Variants in KIR2DL1 observed in about 807,000 individuals in gnomAD.
KIR2DL1 encodes the protein killer cell immunoglobulin-like receptor 2DL1.
Under a neutral mutation model 33.9 loss-of-function variants are expected in KIR2DL1, and 38 were observed. That is an observed-to-expected ratio of 1.12 (90% CI 0.86 to 1.47). KIR2DL1 has a LOEUF of 1.47. Among genes scored for constraint, KIR2DL1 ranks in the 40% most tolerant of loss-of-function variants. The pLI, the probability that KIR2DL1 is intolerant of heterozygous loss-of-function variation, is 0.00. For missense variants in KIR2DL1, 531 were observed against 433.9 expected (o/e 1.22, Z -1.99); for synonymous variants, 179 against 165.9 (o/e 1.08, Z -0.61).
intron 5 of KIR2DL1, among the ~76,000 whole-genome samples, chr19:54,779,105 C>T (rs80149270): frequency 0.08 from 9,196 of 114,682 alleles, 11 homozygotes; most frequent in Middle Eastern, 0.13. Flanking sequence ...AGAGCCTTGC[C>T]GTAACAGAGA....
intron 5 of KIR2DL1, among the ~76,000 whole-genome samples, chr19:54,779,858 TG>T (rs1328433364): frequency 2.9e-5 from 4 of 137,244 alleles, no homozygotes; most frequent in African/African-American, 1.1e-4. Context: ...TATAAATGAA[TG>T]GTCCATTGGG....
At chr19:54,779,791 A>T (rs1793425895) in intron 5 of KIR2DL1, among the ~76,000 whole-genome samples, 1 of 147,770 alleles carries the variant, frequency 6.8e-6, no homozygotes, top group African/African-American at 2.5e-5. Flanking sequence ...TGCCCTTGGG[A>T]CACTGATATT....
intron 4 of KIR2DL1, among the ~76,000 whole-genome samples, chr19:54,776,599 C>T (rs1302273132): frequency 6.9e-6 from 1 of 145,154 alleles, no homozygotes; most frequent in African/African-American, 2.5e-5. Context: ...GGATATAAAC[C>T]CAGTAGTGAA....
chr19:54,776,002 C>T (rs1228375901), intron 4 of KIR2DL1, among the ~76,000 whole-genome samples: 3 of 146,008 alleles, frequency 2.1e-5, no homozygotes, highest in Non-Finnish European at 3.1e-5. Context: ...AGCGATTCTC[C>T]TGCCTCAGCC....
At chr19:54,782,371 A>G (rs896723066) in intron 5 of KIR2DL1, among the ~76,000 whole-genome samples, 2 of 152,068 alleles carry the variant, frequency 1.3e-5, no homozygotes, top group Non-Finnish European at 2.9e-5. Flanking sequence ...ACCGTTCTGC[A>G]GGCTGTACTG....
rs371289444 is a variant in KIR2DL1 at position 54,773,369 on chromosome 19, G to C, written c.107G>C (p.Gly36Ala). ...HRKPSLLAHP[G>A]RLVKSEETVI... ...AAACCTTCCCTCCTGGCCCACCCAG[G>C]TCGCCTGGTGAAATCAGAAGAGACA... is the stretch of plus-strand genomic sequence containing the variant. Residue 36 changes from glycine (G) to alanine (A), a missense_variant, in exon 3 of 8, where the codon GGT becomes GCT. Gly to Ala is a moderately conservative substitution (Grantham distance 60). Transcript: ENST00000336077. 2.3e-5 allele frequency: 37 copies of C among 1,599,596 alleles called. 2 individuals carry two copies. In the South Asian group the frequency reaches 4.1e-4, roughly 18 times the overall value.
rs1004045109 is a variant in KIR2DL1, at chr19:54,783,521, A to C, written c.853A>C (p.Arg285=). Residue 285 remains arginine, a synonymous_variant, in exon 7 of 8, where the codon AGA becomes CGA. Transcript: ENST00000336077. ...AVMDQESAGN[R]TANSEDSDEQ... Reference sequence around the variant, plus strand: ...AATGGACCAAGAGTCTGCAGGAAACAGAACAGCGAATAGCGAGGTAGGTAC... The same window carrying C: ...AATGGACCAAGAGTCTGCAGGAAACCGAACAGCGAATAGCGAGGTAGGTAC... The C allele has an allele frequency of 7.6e-5, 122 of 1,613,690 alleles. 1 individual carries two copies. The highest frequency in any genetic ancestry group is 1.0e-4 in the Non-Finnish European group (121 of 1,179,860).
intron 2 of KIR2DL1, among the ~76,000 whole-genome samples, chr19:54,771,870 A>C (rs1475776797): frequency 1.4e-5 from 2 of 146,742 alleles, no homozygotes; most frequent in Admixed American, 1.4e-4. Flanking sequence ...GCACCCAGCA[A>C]CCCCCTGGAG....
intron 1 of KIR2DL1, among the ~76,000 whole-genome samples, 167 bp downstream of exon 1, chr19:54,770,051 G>C (rs372776999): frequency 3.4e-5 from 5 of 145,828 alleles, no homozygotes; most frequent in Middle Eastern, 3.6e-3. Flanking sequence ...GTGGAGATCT[G>C]GGCCCAGAGG....
At chr19:54,773,703 A>C (rs1186143056) in intron 3 of KIR2DL1, 71 bp downstream of exon 3, 2 of 1,430,028 alleles carry the variant, frequency 1.4e-6, no homozygotes, top group African/African-American at 1.4e-5. Flanking sequence ...TTGGAGACCC[A>C]GGTGGCTGTA....
chr19:54,778,591 C>T (rs751988946), intron 4 of KIR2DL1, 21 bp from the exon 5 acceptor site: 17 of 1,528,410 alleles, frequency 1.1e-5, no homozygotes, highest in Admixed American at 1.7e-5. Flanking sequence ...TTCCTCACCT[C>T]TCTCCTGTCT....
At chr19:54,769,969 TTA>T (rs2075454508) in intron 1 of KIR2DL1, 85 bp downstream of exon 1, 1 of 1,401,592 alleles carries the variant, frequency 7.1e-7, no homozygotes, top group African/African-American at 1.5e-5. Context: ...GGAGGTGGAG[TTA>T]TGGGCCTGGA....
At chr19:54,780,736 G>C (rs2076845720) in intron 5 of KIR2DL1, among the ~76,000 whole-genome samples, 1 of 137,924 alleles carries the variant, frequency 7.3e-6, no homozygotes, top group African/African-American at 2.6e-5. Flanking sequence ...GACTGGAAAG[G>C]CTTACTGGGT....
rs1188168838 is a variant in KIR2DL1 at position 54,770,350 on chromosome 19, G to A, written c.34+466G>A. Among the ~76,000 whole-genome samples the A allele has an allele frequency of 1.4e-5, 2 of 140,132 alleles. 1 individual carries two copies. The highest frequency in any genetic ancestry group is 3.2e-5 in the Non-Finnish European group (2 of 62,668). The allele number at this position is 140,132 out of a possible 152,430, so 91.9% of individuals were successfully genotyped here. Reference sequence around the variant, plus strand: ...CCTGGAGTGGAGATATGGGCCAGGAGTGGAGATATGGGCCTAGAGGTCGAT... The same window carrying A: ...CCTGGAGTGGAGATATGGGCCAGGAATGGAGATATGGGCCTAGAGGTCGAT... On this transcript the variant is annotated intron_variant, in intron 1 of 7. Transcript: ENST00000336077.
chr19:54,783,567 C>T (rs1359973141), intron 7 of KIR2DL1, 29 bp downstream of exon 7: 1 of 1,613,802 alleles, frequency 6.2e-7, no homozygotes, highest in African/African-American at 1.3e-5. Flanking sequence ...GGGCTCGTGG[C>T]TACTGTTATT....
At chr19:54,776,090 C>T (rs2076299346) in intron 4 of KIR2DL1, among the ~76,000 whole-genome samples, 2 of 145,140 alleles carry the variant, frequency 1.4e-5, no homozygotes, top group African/African-American at 2.5e-5. Flanking sequence ...GGTGGTTTCA[C>T]CATGTTGGTC....
At chr19:54,777,442 C>T (rs673097) in intron 4 of KIR2DL1, among the ~76,000 whole-genome samples, 48 of 148,726 alleles carry the variant, frequency 3.2e-4, no homozygotes, top group East Asian at 5.8e-4. Flanking sequence ...TTTTAATTTG[C>T]GTTTCTCTGA....
intron 4 of KIR2DL1, among the ~76,000 whole-genome samples, chr19:54,776,025 A>G (rs679700): frequency 0.31 from 43,276 of 140,334 alleles, 5,507 homozygotes; most frequent in South Asian, 0.44. Context: ...CTGAGTAGCT[A>G]GTGCTACAGG....
chr19:54,778,954 C>T (rs1600819221), intron 5 of KIR2DL1, among the ~76,000 whole-genome samples: 1 of 146,748 alleles, frequency 6.8e-6, no homozygotes, highest in African/African-American at 2.5e-5. Context: ...GCATTCCTAA[C>T]TGGAGGATAA....
Sources: gnomAD v4.1 joint callset for allele counts (sites outside exome capture counted in the v4.1 genomes callset) on GRCh38, gnomAD v4.1.1 for gene constraint, MANE v1.5 for transcripts, NCBI Gene and HGNC (gene_info 2026-07-23, HGNC 2026-07-21) for gene names.